The following TENM2 variants were observed in gnomAD, a reference collection of about 807,000 sequenced individuals.
TENM2 encodes the protein teneurin-2.
Under a neutral mutation model 245.2 loss-of-function variants are expected in TENM2, and 52 were observed. That is an observed-to-expected ratio of 0.21 (90% CI 0.17 to 0.27). The LOEUF is 0.27. TENM2 is among the 10% of genes least tolerant of loss of function. The pLI is 1.00. For synonymous variants in TENM2, 1,363 were observed against 1,438.9 expected, an observed-to-expected ratio of 0.95 and a Z score of 1.19; for missense variants, 3,046 against 3,666.8, an observed-to-expected ratio of 0.83 and a Z score of 4.37.
intron 2 of TENM2, among the ~76,000 whole-genome samples, chr5:167,574,318 AT>A (rs1774492188): frequency 6.6e-6 from 1 of 152,354 alleles, no homozygotes; most frequent in African/African-American, 2.4e-5. Context: ...ATTACGTTAA[AT>A]TCTAAACAGC....
chr5:167,942,026 G>A (rs550581187), intron 3 of TENM2, among the ~76,000 whole-genome samples: 39 of 152,196 alleles, frequency 2.6e-4, no homozygotes, highest in Admixed American at 3.9e-4. Flanking sequence ...TGGCCAACAC[G>A]GGGAAACCCC....
intron 5 of TENM2, among the ~76,000 whole-genome samples, chr5:168,019,012 A>T (rs984332614): frequency 6.6e-6 from 1 of 152,176 alleles, no homozygotes; most frequent in Non-Finnish European, 1.5e-5. Context: ...AGTACTTTAG[A>T]GGGGAGATGG....
At chr5:167,520,016 G>A (rs1770648523) in intron 2 of TENM2, among the ~76,000 whole-genome samples, 1 of 152,108 alleles carries the variant, frequency 6.6e-6, no homozygotes, top group Non-Finnish European at 1.5e-5. Context: ...CAAAATGTTG[G>A]AAATTAGAAC....
At chr5:167,711,347 G>C (rs73801358) in intron 2 of TENM2, among the ~76,000 whole-genome samples, 5,023 of 152,272 alleles carry the variant, frequency 0.033, 259 homozygotes, top group African/African-American at 0.11. Flanking sequence ...AGTAAGTGCA[G>C]AAAAACTGTT....
the TENM2 span, among the ~76,000 whole-genome samples, chr5:167,256,659 T>A: frequency 2.0e-5 from 3 of 152,236 alleles, no homozygotes; most frequent in Non-Finnish European, 2.9e-5. Context: ...TGCCATAATT[T>A]TAAGGGGGAT....
At chr5:167,930,512 T>C (rs1778195715) in intron 3 of TENM2, among the ~76,000 whole-genome samples, 1 of 151,958 alleles carries the variant, frequency 6.6e-6, no homozygotes, top group South Asian at 2.1e-4. Context: ...TCTCACCCTG[T>C]TGCACAGGCT....
chr5:167,434,428 AAAAAAAAAAAG>A (rs1469662590), intron 2 of TENM2, among the ~76,000 whole-genome samples: 1 of 150,290 alleles, frequency 6.7e-6, no homozygotes, highest in Non-Finnish European at 1.5e-5. Context: ...AAAAAAAAAA[AAAAAAAAAAAG>A]ACAAATAATT....
intron 7 of TENM2, among the ~76,000 whole-genome samples, chr5:168,065,855 T>TG (rs1435002214): frequency 1.9e-4 from 12 of 64,688 alleles, no homozygotes; most frequent in African/African-American, 4.6e-4. Context: ...AGAACAAAGG[T>TG]TTTTTTTTTT....
At chr5:168,098,349 T>C (rs1191908144) in intron 9 of TENM2, among the ~76,000 whole-genome samples, 1 of 152,194 alleles carries the variant, frequency 6.6e-6, no homozygotes, top group Non-Finnish European at 1.5e-5. Context: ...TCCTTGGCAC[T>C]GAGGTGTGCT....
intron 25 of TENM2, among the ~76,000 whole-genome samples, chr5:168,236,986 A>T (rs1385273407): frequency 5.4e-4 from 2 of 3,680 alleles, no homozygotes; most frequent in Non-Finnish European, 9.4e-4. Flanking sequence ...ATATATATAT[A>T]TATATATATA....
At chr5:167,140,556 A>G in the TENM2 span, among the ~76,000 whole-genome samples, 5 of 152,194 alleles carry the variant, frequency 3.3e-5, no homozygotes, top group Non-Finnish European at 7.3e-5. Flanking sequence ...GAATTATTTC[A>G]TATTAATAAA....
intron 1 of TENM2, among the ~76,000 whole-genome samples, chr5:167,298,341 C>T (rs1185379932): frequency 6.6e-5 from 10 of 152,318 alleles, no homozygotes; most frequent in African/African-American, 1.9e-4. Flanking sequence ...CGGTGGCTCA[C>T]GCCTGTAATC....
chr5:167,104,101 T>A, the TENM2 span, among the ~76,000 whole-genome samples: 2 of 152,016 alleles, frequency 1.3e-5, no homozygotes, highest in Non-Finnish European at 2.9e-5. Flanking sequence ...CATTCTTGCC[T>A]GGATCACCCT....
chr5:167,858,948 G>A (rs1771364285), intron 2 of TENM2, among the ~76,000 whole-genome samples: 2 of 140,786 alleles, frequency 1.4e-5, no homozygotes, highest in Non-Finnish European at 3.1e-5. Flanking sequence ...TGGGAAGTGA[G>A]GAGTGTCTCT....
chr5:167,230,122 G>A, the TENM2 span, among the ~76,000 whole-genome samples: 1 of 152,180 alleles, frequency 6.6e-6, no homozygotes, highest in African/African-American at 2.4e-5. Flanking sequence ...TGCTGCCACT[G>A]CTTAGGGCTC....
chr5:168,224,882 G>C (rs1021427267), intron 23 of TENM2, among the ~76,000 whole-genome samples: 1 of 152,202 alleles, frequency 6.6e-6, no homozygotes, highest in Admixed American at 6.5e-5. Flanking sequence ...CTGGGTGTGA[G>C]AAGGGCCCAG....
chr5:168,050,558 CT>C (rs1386068583), intron 6 of TENM2, among the ~76,000 whole-genome samples: 1 of 152,188 alleles, frequency 6.6e-6, no homozygotes, highest in African/African-American at 2.4e-5. Context: ...GGAGGATAAT[CT>C]CATTAAGCAA....
the TENM2 span, among the ~76,000 whole-genome samples, chr5:166,983,935 C>T: frequency 6.6e-6 from 1 of 152,030 alleles, no homozygotes; most frequent in East Asian, 1.9e-4. Context: ...CTCATTCATT[C>T]TTACTATTAC....
intron 4 of TENM2, among the ~76,000 whole-genome samples, chr5:167,961,032 CT>C (rs573118440): frequency 6.6e-6 from 1 of 152,356 alleles, no homozygotes; most frequent in Non-Finnish European, 1.5e-5. Flanking sequence ...GCTGTACCCA[CT>C]GTCTAACCAG....
Sources: allele counts gnomAD v4.1 joint callset (sites outside exome capture counted in the v4.1 genomes callset), GRCh38; gene constraint gnomAD v4.1.1; transcripts MANE v1.5; gene names NCBI Gene and HGNC (gene_info 2026-07-23, HGNC 2026-07-21).